ATP11C: variants seen among roughly 807,000 people sequenced by gnomAD.
The protein encoded by ATP11C is ATPase phospholipid transporting 11C (ATP11C blood group).
ATP11C carries 36 observed loss-of-function variants against 97.4 expected under a neutral mutation model. That is an observed-to-expected ratio of 0.37 (90% confidence interval 0.28 to 0.49). The LOEUF (loss-of-function observed/expected upper bound fraction) is 0.49, where lower values mean the gene tolerates loss of function less well. Among genes scored for constraint, ATP11C ranks in the 20% least tolerant of loss-of-function variants. The probability of loss-of-function intolerance (pLI) is 0.98; values close to 1 mark genes in which losing one functional copy is unlikely to be tolerated. For missense variants in ATP11C, 730 were observed against 824.6 expected, an observed-to-expected ratio of 0.89 and a Z score of 1.40; for synonymous variants, 275 against 290.9, an observed-to-expected ratio of 0.95 and a Z score of 0.56.
chrX:139,919,444 A>AACACACACACACACAC (rs370999462), intron 1 of ATP11C, among the ~76,000 whole-genome samples: 4 of 73,950 alleles, frequency 5.4e-5, no homozygotes, highest in African/African-American at 1.0e-4. Context: ...CTCAAACTTA[A>AACACACACACACACAC]ACACACACAC....
In ATP11C at chrX:139,819,363, T is replaced by C; in HGVS notation, c.212A>G (p.Tyr71Cys). Residue 71 changes from tyrosine (Y) to cysteine (C), a missense_variant, in exon 3 of 30, where the codon TAT (tyrosine) becomes TGT (cysteine). Coordinates refer to ENST00000682941, the MANE Select transcript of ATP11C (RefSeq NM_001353812.2). ...FEQFRRIANF[Y>C]FLIIFLVQVT... ...CTGTACAAGGAAGATTATGAGAAAATAAAAATTTGCAATTCTTCTAAACTG... is the reference window on the plus strand; with the variant it reads ...CTGTACAAGGAAGATTATGAGAAAACAAAAATTTGCAATTCTTCTAAACTG... 8.7e-7 allele frequency: 1 copy of C among 1,144,620 alleles called. No homozygotes were observed. The highest frequency in any genetic ancestry group is 1.2e-6 in the Non-Finnish European group (1 of 853,122). 94.3% of individuals were successfully genotyped at this position (1,144,620 alleles called of 1,213,427 possible). A position where few individuals can be genotyped will look rare whatever the true frequency, so the allele number is the denominator to read the frequency against.
chrX:139,915,324 A>T (rs769083154), intron 1 of ATP11C, among the ~76,000 whole-genome samples: 2 of 112,001 alleles, frequency 1.8e-5, no homozygotes, highest in Admixed American at 1.9e-4. Flanking sequence ...GTTTAAAAAC[A>T]AATTTTGAAA....
intron 1 of ATP11C, among the ~76,000 whole-genome samples, chrX:139,900,027 G>T (rs753837171): frequency 9.1e-6 from 1 of 110,334 alleles, no homozygotes; most frequent in Non-Finnish European, 1.9e-5. Flanking sequence ...CAACTTGATT[G>T]TGTAGCACAA....
intron 6 of ATP11C, among the ~76,000 whole-genome samples, chrX:139,802,912 T>TATTAGAATAGTAG (rs1394258687): frequency 2.7e-5 from 3 of 111,972 alleles, no homozygotes; most frequent in Non-Finnish European, 5.6e-5. Context: ...ATTAGTCAGA[T>TATTAGAATAGTAG]AATTAGAATA....
intron 1 of ATP11C, among the ~76,000 whole-genome samples, chrX:139,880,357 T>C (rs1199972949): frequency 8.9e-6 from 1 of 111,932 alleles, no homozygotes; most frequent in Non-Finnish European, 1.9e-5. Flanking sequence ...GGAATTCAAA[T>C]ACTACTTTCC....
intron 1 of ATP11C, among the ~76,000 whole-genome samples, chrX:139,893,993 G>C (rs1482939624): frequency 9.1e-6 from 1 of 110,267 alleles, no homozygotes; most frequent in African/African-American, 3.3e-5. Context: ...ATCGATACTT[G>C]ATACGACAGA....
chrX:139,936,037 C>T (rs2085514573), upstream of ATP11C, among the ~76,000 whole-genome samples: 1 of 110,977 alleles, frequency 9.0e-6, no homozygotes, highest in African/African-American at 3.3e-5. Flanking sequence ...ATGGCTCACA[C>T]CTGTTATCCC....
chrX:139,911,469 AT>A (rs1297681435), intron 1 of ATP11C, among the ~76,000 whole-genome samples: 8 of 112,232 alleles, frequency 7.1e-5, no homozygotes, highest in African/African-American at 2.6e-4. Context: ...AACTCAAACA[AT>A]AGCAAGTGTT....
At chrX:139,923,435 G>T (rs1376568693) in intron 1 of ATP11C, among the ~76,000 whole-genome samples, 1 of 111,619 alleles carries the variant, frequency 9.0e-6, no homozygotes, top group Non-Finnish European at 1.9e-5. Context: ...CTGTGTGCTG[G>T]TCTTCTCTCT....
intron 2 of ATP11C, among the ~76,000 whole-genome samples, chrX:139,823,740 C>A (rs771902093): frequency 6.2e-5 from 7 of 112,039 alleles, no homozygotes; most frequent in South Asian, 7.4e-4. Flanking sequence ...AGGAAAAACT[C>A]TTCTGGACAT....
Position 139,763,401 on chromosome X carries a change from C to A in ATP11C, c.2409G>T (p.Lys803Asn). Residue 803 changes from lysine (K) to asparagine (N), a missense_variant, in exon 21 of 30, where the codon AAG becomes AAT. Transcript: ENST00000682941. The stretch of plus-strand genomic sequence containing the variant: ...GAGTTATTGGGCTGCCTTTTAAATT[C>A]TTCACCATTCTGACAATCTAAATAT... ...LQKAQIVRMVKNLKGSPITLS... is the reference protein window; with the variant it reads ...LQKAQIVRMVNNLKGSPITLS... 1.2e-5 allele frequency: 14 copies of A among 1,202,001 alleles called. No individual in the cohort carries two copies. The highest frequency in any genetic ancestry group is 1.6e-5 in the Non-Finnish European group (14 of 886,773).
intron 1 of ATP11C, among the ~76,000 whole-genome samples, chrX:139,912,339 T>C (rs2085090405): frequency 9.0e-6 from 1 of 110,860 alleles, no homozygotes; most frequent in Admixed American, 9.7e-5. Flanking sequence ...GGCTAATGGT[T>C]ACACGGTGGT....
At chrX:139,924,030 A>G in intron 1 of ATP11C, 1 of 290,448 alleles carries the variant, frequency 3.4e-6, no homozygotes, top group African/African-American at 2.6e-5. Flanking sequence ...TGTGTTACCC[A>G]AAAGGTATAG....
At chrX:139,909,243 T>G (rs1209078744) in intron 1 of ATP11C, among the ~76,000 whole-genome samples, 2 of 111,263 alleles carry the variant, frequency 1.8e-5, no homozygotes, top group African/African-American at 3.3e-5. Flanking sequence ...GCAATTCTCC[T>G]ACCTCAGCCT....
At chrX:139,902,593 A>C (rs1317971038) in intron 1 of ATP11C, among the ~76,000 whole-genome samples, 1 of 112,205 alleles carries the variant, frequency 8.9e-6, no homozygotes, top group Non-Finnish European at 1.9e-5. Flanking sequence ...TAAGCAAAAA[A>C]CAAACTATGT....
chrX:139,741,045 C>A lies in ATP11C; in HGVS notation c.3080G>T (p.Trp1027Leu). Residue 1027 changes from tryptophan (W) to leucine (L), a missense_variant, in exon 27 of 30, where the codon TGG becomes TTG. Coordinates refer to ENST00000682941, the MANE Select transcript of ATP11C (RefSeq NM_001353812.2). ...FWTWINHFVI[W>L]GSLAFYVFFS... Reference sequence around the variant, plus strand: ...AAATACATAGAAGGCTAAAGAACCCCAAATCACAAAGTGATTTATCCACGT... The same window carrying A: ...AAATACATAGAAGGCTAAAGAACCCAAAATCACAAAGTGATTTATCCACGT... 8.3e-7 allele frequency: 1 copy of A among 1,207,705 alleles called. No individual in the cohort carries two copies.
chrX:139,819,481 T>C, intron 2 of ATP11C, 54 bp from the exon 3 acceptor site: 1 of 518,024 alleles, frequency 1.9e-6, no homozygotes, highest in Non-Finnish European at 3.0e-6. Context: ...TGAAAAATCT[T>C]AATAGTAATG....
chrX:139,746,778 G>A (rs1316691817), intron 24 of ATP11C, among the ~76,000 whole-genome samples: 2 of 111,631 alleles, frequency 1.8e-5, no homozygotes, highest in African/African-American at 6.5e-5. Context: ...ATGGAGCAGA[G>A]CTGCAGAAAA....
chrX:139,761,150 G>A (rs2082029434), intron 22 of ATP11C, among the ~76,000 whole-genome samples: 1 of 110,336 alleles, frequency 9.1e-6, no homozygotes, highest in Non-Finnish European at 1.9e-5. Flanking sequence ...CAGGTGTGGT[G>A]GCATGTGCTA....
Sources: gnomAD v4.1 joint callset for allele counts (sites outside exome capture counted in the v4.1 genomes callset) on GRCh38, gnomAD v4.1.1 for gene constraint, MANE v1.5 for transcripts, NCBI Gene and HGNC (gene_info 2026-07-23, HGNC 2026-07-21) for gene names.